Variants in STK32C observed in about 807,000 individuals in gnomAD.
The protein encoded by STK32C is serine/threonine-protein kinase 32C.
Under a neutral mutation model 56.5 loss-of-function variants are expected in STK32C, and 31 were observed. That is an observed-to-expected ratio of 0.55 (90% CI 0.41 to 0.74). The LOEUF (loss-of-function observed/expected upper bound fraction) is 0.74, where lower values mean the gene tolerates loss of function less well. STK32C is among the 30% of genes least tolerant of loss of function. The pLI, the probability that STK32C is intolerant of heterozygous loss-of-function variation, is 0.00. For synonymous variants in STK32C, 309 were observed against 289.4 expected (o/e 1.07, Z -0.69); for missense variants, 544 against 676.9 (o/e 0.80, Z 2.18).
At chr10:132,278,577 C>T (rs892697044) in intron 1 of STK32C, among the ~76,000 whole-genome samples, 2 of 151,566 alleles carry the variant, frequency 1.3e-5, no homozygotes, top group Non-Finnish European at 2.9e-5. Flanking sequence ...CTGGCTAACA[C>T]GGTGAAACCC....
chr10:132,250,947 T>G (rs2063883008), intron 1 of STK32C, among the ~76,000 whole-genome samples: 1 of 152,126 alleles, frequency 6.6e-6, no homozygotes, highest in South Asian at 2.1e-4. Flanking sequence ...GGGGCCTCAG[T>G]TTCCTCCTCT....
upstream of STK32C, chr10:132,332,039 C>G (rs1590557371): frequency 2.8e-6 from 1 of 353,672 alleles, no homozygotes; most frequent in Non-Finnish European, 5.1e-6. Flanking sequence ...CGCCCCCGCA[C>G]GCAGGCACAA....
intron 1 of STK32C, among the ~76,000 whole-genome samples, chr10:132,285,137 A>C (rs973262133): frequency 1.4e-5 from 2 of 144,638 alleles, no homozygotes; most frequent in Middle Eastern, 3.7e-3. Context: ...ATGAACCCGG[A>C]ACACATTCCC....
At chr10:132,252,632 C>T (rs79274715) in intron 1 of STK32C, among the ~76,000 whole-genome samples, 12,625 of 152,300 alleles carry the variant, frequency 0.083, 742 homozygotes, top group East Asian at 0.35. Context: ...GTGCACCCAA[C>T]GGCGGGCGTG....
At chr10:132,316,870 A>C (rs1398502027) in intron 1 of STK32C, among the ~76,000 whole-genome samples, 1 of 152,006 alleles carries the variant, frequency 6.6e-6, no homozygotes, top group Non-Finnish European at 1.5e-5. Flanking sequence ...CTTGGCCAAC[A>C]TGATGAAACC....
intron 1 of STK32C, among the ~76,000 whole-genome samples, chr10:132,300,054 C>A (rs1470504973): frequency 6.6e-6 from 1 of 152,368 alleles, no homozygotes; most frequent in East Asian, 1.9e-4. Context: ...CCCCAGAATG[C>A]GTGCAACGCC....
chr10:132,285,266 G>A (rs2138266851), intron 1 of STK32C, among the ~76,000 whole-genome samples: 2 of 152,088 alleles, frequency 1.3e-5, no homozygotes, highest in South Asian at 2.1e-4. Context: ...AGAGCTCAAC[G>A]TCCCCACCCT....
chr10:132,245,673 C>T (rs757408893), intron 2 of STK32C, among the ~76,000 whole-genome samples: 30 of 152,368 alleles, frequency 2.0e-4, no homozygotes, highest in Middle Eastern at 3.4e-3. Context: ...GGCTCCTGGA[C>T]GCTGCGGAGT....
chr10:132,246,299 G>A (rs1270262971), intron 1 of STK32C, among the ~76,000 whole-genome samples: 1 of 152,248 alleles, frequency 6.6e-6, no homozygotes, highest in Non-Finnish European at 1.5e-5. Flanking sequence ...CACCCCCACT[G>A]AAAGCTGCTC....
At chr10:132,271,007 G>C (rs2064800225) in intron 1 of STK32C, among the ~76,000 whole-genome samples, 1 of 152,148 alleles carries the variant, frequency 6.6e-6, no homozygotes. Context: ...TAAGGGAGGA[G>C]CCAGGGGTGA....
chr10:132,229,485 G>A (rs1416041829), intron 2 of STK32C, among the ~76,000 whole-genome samples: 2 of 152,258 alleles, frequency 1.3e-5, no homozygotes, highest in African/African-American at 2.4e-5. Flanking sequence ...GACAGGGCGA[G>A]ACCCTGTCTC....
At chr10:132,326,227 A>C (rs2066497158) in intron 1 of STK32C, among the ~76,000 whole-genome samples, 1 of 152,160 alleles carries the variant, frequency 6.6e-6, no homozygotes, top group South Asian at 2.1e-4. Context: ...AAAATAAACA[A>C]ATTTGGGGGT....
At chr10:132,331,796 C>T (rs1209235924) in exon 1 of STK32C, 2 of 1,599,826 alleles carry the variant, frequency 1.3e-6, no homozygotes, top group Admixed American at 1.7e-5. Context: ...CTCGCGGTCT[C>T]TACTTGCCCG....
At chr10:132,313,458 T>C (rs2066257812) in intron 1 of STK32C, among the ~76,000 whole-genome samples, 1 of 152,084 alleles carries the variant, frequency 6.6e-6, no homozygotes, top group South Asian at 2.1e-4. Flanking sequence ...GCTGACATAG[T>C]GAATGGTCAG....
downstream of STK32C, among the ~76,000 whole-genome samples, chr10:132,319,097 C>T (rs1489948962): frequency 6.6e-6 from 1 of 152,122 alleles, no homozygotes; most frequent in Non-Finnish European, 1.5e-5. Context: ...TACAGGCGCT[C>T]ATCATCACAC....
rs1252367251 is a variant in STK32C, at chr10:132,285,432, A to G, written c.262+22140T>C. ...GCAGATATTTTCAGACTGTATTTTT[A>G]AAAGCAAGACACCACTATATATTTG... On this transcript the variant is annotated intron_variant, in intron 1 of 11. Transcript: ENST00000298630. Among the ~76,000 whole-genome samples, 8 of 152,392 alleles carry G rather than the reference A, an allele frequency of 5.2e-5. No homozygotes were observed. The East Asian group carries it at 1.5e-3, about 29-fold the overall frequency.
Position 132,232,126 on chromosome 10 carries a change from G to A in STK32C, c.319-3998C>T, listed in dbSNP as rs182713948. 3.7e-3 allele frequency among the ~76,000 whole-genome samples: 568 copies of A among 152,318 alleles called. 3 individuals are homozygous for A. Among genetic ancestry groups the A allele is most frequent in the African/African-American group, 0.013 (537 of 41,572 alleles). On this transcript the variant is annotated intron_variant, in intron 2 of 11. Transcript: ENST00000298630. ...CCTGCGCTCACGCTGCGCCCTCACC[G>A]GAGCACCTGCCAACCCAGCAGCCCA...
intron 10 of STK32C, among the ~76,000 whole-genome samples, chr10:132,210,790 C>T (rs562312144): frequency 1.3e-5 from 2 of 152,348 alleles, no homozygotes; most frequent in South Asian, 2.1e-4. Context: ...GAGCAGCTCA[C>T]GTTCCCCACC....
chr10:132,211,831 C>T (rs1017013795), intron 10 of STK32C, among the ~76,000 whole-genome samples: 2 of 152,194 alleles, frequency 1.3e-5, no homozygotes, highest in African/African-American at 2.4e-5. Flanking sequence ...TCCGAAGCCA[C>T]TCCCCACAGG....
Sources: gnomAD v4.1 joint callset for allele counts (sites outside exome capture counted in the v4.1 genomes callset) on GRCh38, gnomAD v4.1.1 for gene constraint, MANE v1.5 for transcripts, NCBI Gene and HGNC (gene_info 2026-07-23, HGNC 2026-07-21) for gene names.